KIF26A: variants seen among roughly 807,000 people sequenced by gnomAD.
The protein encoded by KIF26A is kinesin family member 26A, also known as kinesin-like protein KIF26A.
KIF26A carries 74 observed loss-of-function variants against 126.0 expected under a neutral mutation model. The ratio of observed to expected loss-of-function variants is 0.59; its 90% CI spans 0.49 to 0.71. The LOEUF is 0.71. Ranked by LOEUF, KIF26A falls within the 30% of genes least tolerant of loss-of-function variation. The pLI is 0.00. For missense variants in KIF26A, 2,984 were observed against 2,763.3 expected, an observed-to-expected ratio of 1.08 and a Z score of -1.79; for synonymous variants, 1,445 against 1,232.7, an observed-to-expected ratio of 1.17 and a Z score of -3.61.
chr14:104,143,510 C>T (rs927510035), intron 2 of KIF26A, among the ~76,000 whole-genome samples: 3 of 152,170 alleles, frequency 2.0e-5, no homozygotes, highest in Middle Eastern at 3.2e-3. Flanking sequence ...CCTCCTCTGT[C>T]ACTTGTCCGA....
chr14:104,168,888 G>C (rs2141111598), intron 5 of KIF26A, among the ~76,000 whole-genome samples: 1 of 152,200 alleles, frequency 6.6e-6, no homozygotes, highest in Non-Finnish European at 1.5e-5. Context: ...CAGAGTTGGG[G>C]GACTAGGCCG....
Position 104,172,606 on chromosome 14 carries a change from T to C in KIF26A, c.1358T>C (p.Val453Ala). 1 of 1,613,212 alleles carries C rather than the reference T, an allele frequency of 6.2e-7. No homozygotes were observed. Among genetic ancestry groups the C allele is most frequent in the Non-Finnish European group, 8.5e-7 (1 of 1,179,790 alleles). Residue 453 changes from valine to alanine, a missense_variant, in exon 7 of 15, where the codon GTG becomes GCG. Physicochemically the swap from Val to Ala is moderately conservative, Grantham distance 64. Transcript: ENST00000423312. ...GTCTGCTCGGGGACCGTGGCCGACGTGCTCCAGTCGGTGGTCAGTGGGGCT... is the reference window on the plus strand; with the variant it reads ...GTCTGCTCGGGGACCGTGGCCGACGCGCTCCAGTCGGTGGTCAGTGGGGCT... ...AEVCSGTVAD[V>A]LQSVVSGADG...
Position 104,138,637 on chromosome 14 carries a change from C to A in KIF26A, c.-86C>A. The A allele has an allele frequency of 9.1e-7, 1 of 1,098,392 alleles. No individual in the cohort carries two copies. Among genetic ancestry groups the A allele is most frequent in the South Asian group, 3.1e-5 (1 of 31,842 alleles). The allele number at this position is 1,098,392 out of a possible 1,614,324, so 68.0% of individuals were successfully genotyped here. ...GCGGCTGGGCCGGGCCATGGGGGCG[C>A]CTCGGGGCCGGATCACGTAGCCGCG... On this transcript the variant is annotated 5_prime_UTR_variant, in exon 1 of 15. Transcript: ENST00000423312.
At chr14:104,144,858 C>A (rs534109883) in intron 2 of KIF26A, among the ~76,000 whole-genome samples, 3 of 152,334 alleles carry the variant, frequency 2.0e-5, no homozygotes, top group Admixed American at 2.0e-4. Context: ...GTGGACTGAC[C>A]GTGCCTTGGT....
rs1386352680 is a variant in KIF26A at position 104,152,977 on chromosome 14, G to A, written c.735+516G>A. ...GACATGTGGGTGGCTGTGAAGAGCC[G>A]TGTTTCTGCCTGGTACACTGTCTAG... On this transcript the variant is annotated intron_variant, in intron 3 of 14. Transcript: ENST00000423312. This position sits in a 1 kb window ranked among gnomAD's most constrained non-coding sequence, Gnocchi z 5.9. 1.3e-5 allele frequency among the ~76,000 whole-genome samples: 2 copies of A among 152,178 alleles called. No homozygotes were observed. Among genetic ancestry groups the A allele is most frequent in the East Asian group, 1.9e-4 (1 of 5,186 alleles).
chr14:104,138,826 T>A, intron 1 of KIF26A, 62 bp downstream of exon 1: 1 of 1,256,780 alleles, frequency 8.0e-7, no homozygotes, highest in Non-Finnish European at 1.0e-6. Flanking sequence ...GCGAAGATAC[T>A]CGCGGTGTGC....
At chr14:104,140,981 G>A (rs939150132) in intron 2 of KIF26A, among the ~76,000 whole-genome samples, 2 of 152,176 alleles carry the variant, frequency 1.3e-5, no homozygotes, top group Non-Finnish European at 2.9e-5. Flanking sequence ...CTGTGCCCCC[G>A]GGAGAGAAGA....
chr14:104,169,962 T>C (rs1008529077), intron 5 of KIF26A, among the ~76,000 whole-genome samples: 5 of 152,176 alleles, frequency 3.3e-5, no homozygotes, highest in Non-Finnish European at 5.9e-5. Flanking sequence ...ACCAGGGCAG[T>C]GTGGGGCAGG....
Position 104,179,847 on chromosome 14 carries a change from G to A in KIF26A, c.*57G>A. ...CAGCGGGCTGGAGGACGGGACGTGG[G>A]ACGGAGCGAGGATGTGGTGGGGGCT... On this transcript the variant is annotated 3_prime_UTR_variant, in exon 15 of 15. Transcript: ENST00000423312. 6.9e-7 allele frequency: 1 copy of A among 1,456,280 alleles called. No individual in the cohort carries two copies. Among genetic ancestry groups the A allele is most frequent in the Non-Finnish European group, 9.1e-7 (1 of 1,099,328 alleles). The allele number at this position is 1,456,280 out of a possible 1,614,324, so 90.2% of individuals were successfully genotyped here. A position where few individuals can be genotyped will look rare whatever the true frequency, so the allele number is the denominator to read the frequency against.
chr14:104,143,397 T>C (rs10145632), intron 2 of KIF26A, among the ~76,000 whole-genome samples: 4,870 of 152,322 alleles, frequency 0.032, 265 homozygotes, highest in African/African-American at 0.11. Context: ...CTGTTTCTCC[T>C]TGGACGCTGC....
chr14:104,170,697 C>T lies in KIF26A; in HGVS notation c.1114-1026C>T, dbSNP rs550531291. On this transcript the variant is annotated intron_variant, in intron 5 of 14. Transcript: ENST00000423312. ...TGGCCCTCGTGTGCGCAGCCTCTGC[C>T]GGGTCAGAGCCGCCGCCTCCTGGCA... 4.6e-5 allele frequency among the ~76,000 whole-genome samples: 7 copies of T among 152,374 alleles called. No homozygotes were observed. In the South Asian group the frequency reaches 8.3e-4, roughly 18 times the overall value.
Position 104,173,086 on chromosome 14 carries a change from G to A in KIF26A, c.1530G>A (p.Thr510=), listed in dbSNP as rs770156475. The A allele has an allele frequency of 1.6e-5, 26 of 1,604,536 alleles. No individual in the cohort carries two copies. The highest frequency in any genetic ancestry group is 2.7e-5 in the African/African-American group (2 of 74,884). Residue 510 remains threonine (T), a synonymous_variant, in exon 8 of 15, where the codon ACG becomes ACA. Coordinates refer to ENST00000423312, the MANE Select transcript of KIF26A (RefSeq NM_015656.2). ...FRLIEERRER[T]GTRFSVRVSA... is the part of the protein sequence containing the mutation. ...TCATCGAGGAGCGCAGGGAGAGGAC[G>A]GGCACCCGCTTCTCCGTCCGGGTCT... is the stretch of plus-strand genomic sequence containing the variant.
At chr14:104,150,970 C>G (rs111596672) in intron 2 of KIF26A, among the ~76,000 whole-genome samples, 1 of 152,172 alleles carries the variant, frequency 6.6e-6, no homozygotes, top group South Asian at 2.1e-4. Flanking sequence ...TGGCCCCCTC[C>G]CCAGAGAGCA....
intron 4 of KIF26A, among the ~76,000 whole-genome samples, chr14:104,164,044 A>G (rs2037857587): frequency 6.6e-6 from 1 of 152,040 alleles, no homozygotes; most frequent in East Asian, 1.9e-4. Context: ...TTTACTTTCC[A>G]CGATGACACC....
At chr14:104,166,822 A>G in intron 4 of KIF26A, 37 bp from the exon 5 acceptor site, 1 of 1,499,980 alleles carries the variant, frequency 6.7e-7, no homozygotes, top group South Asian at 1.3e-5. Context: ...AGCTGCTGTC[A>G]CCCACCACTG....
Position 104,174,141 on chromosome 14 carries a change from C to A in KIF26A, c.2031-7C>A. 4 of 1,556,416 alleles carry A rather than the reference C, an allele frequency of 2.6e-6. No homozygotes were observed. The highest frequency in any genetic ancestry group is 3.5e-6 in the Non-Finnish European group (4 of 1,147,912). ...GGCCTTGGCATCTGAACCGCCTCGA[C>A]CCGCAGGGACCACAGGCTCACCATG... On this transcript the variant is annotated splice_region_variant and splice_polypyrimidine_tract_variant and intron_variant, in intron 10 of 14. Transcript: ENST00000423312.
At position 104,180,128 on chromosome 14, in the gene KIF26A, C is replaced by T. The variant is rs986198715; in HGVS notation, c.*338C>T. On this transcript the variant is annotated 3_prime_UTR_variant, in exon 15 of 15. Transcript: ENST00000423312. Reference sequence around the variant, plus strand: ...CCGGCCCCGCTGCGCCTGTCCGGGCCGGGGCTGGCGCCGGTTGTGTTTGTG... The same window carrying T: ...CCGGCCCCGCTGCGCCTGTCCGGGCTGGGGCTGGCGCCGGTTGTGTTTGTG... The T allele has an allele frequency of 4.5e-5, 11 of 246,226 alleles. No individual in the cohort carries two copies. Among genetic ancestry groups the T allele is most frequent in the Non-Finnish European group, 7.0e-5 (9 of 128,768 alleles). The allele number at this position is 246,226 out of a possible 1,614,324, so 15.3% of individuals were successfully genotyped here.
rs370587924 is a variant in KIF26A at position 104,167,096 on chromosome 14, G to A, written c.1113+48G>A. On this transcript the variant is annotated intron_variant, in intron 5 of 14. Transcript: ENST00000423312. ...GGCCCTGGGTGGGGAGGCCAGAGGC[G>A]TCTGAGAAGACGCAGGAGGGGTGAG... 590 of 1,449,536 alleles carry A rather than the reference G, an allele frequency of 4.1e-4. 1 individual carries two copies. The highest frequency in any genetic ancestry group is 6.7e-4 in the Middle Eastern group (3 of 4,466). The allele number at this position is 1,449,536 out of a possible 1,614,324, so 89.8% of individuals were successfully genotyped here.
At chr14:104,146,522 G>A (rs920373938) in intron 2 of KIF26A, among the ~76,000 whole-genome samples, 1 of 152,082 alleles carries the variant, frequency 6.6e-6, no homozygotes, top group African/African-American at 2.4e-5. Context: ...GCCGGGCAGC[G>A]GGTATGCAGA....
Sources: gnomAD v4.1 joint callset for allele counts (sites outside exome capture counted in the v4.1 genomes callset) on GRCh38, gnomAD v4.1.1 for gene constraint, Gnocchi (gnomAD v3.1) non-coding constraint, MANE v1.5 for transcripts, NCBI Gene and HGNC (gene_info 2026-07-23, HGNC 2026-07-21) for gene names.